Variants in DCHS2 observed in about 807,000 individuals in gnomAD.
DCHS2 encodes protocadherin-23.
Under a neutral mutation model 182.4 loss-of-function variants are expected in DCHS2, and 142 were observed. The observed-to-expected ratio is 0.78, with a 90% CI of 0.68 to 0.89. DCHS2 has a LOEUF of 0.89. Ranked by LOEUF, DCHS2 falls within the 40% of genes least tolerant of loss-of-function variation. The pLI is 0.00. For missense variants in DCHS2, 4,319 were observed against 4,198.6 expected (o/e 1.03, Z -0.79); for synonymous variants, 1,740 against 1,663.3 (o/e 1.05, Z -1.12).
rs946731212 is a variant in DCHS2 at position 154,240,467 on chromosome 4, G to A, written c.7359+70C>T. The A allele has an allele frequency of 7.8e-6, 12 of 1,543,956 alleles. No individual in the cohort carries two copies. In the Admixed American group the frequency reaches 2.1e-4, roughly 27 times the overall value. ...CTATCTGAATTAGTCTATCGGCGAT[G>A]GAAGACTTACATTATTCTCTATTCT... On this transcript the variant is annotated intron_variant, in intron 18 of 19. Coordinates refer to ENST00000357232, the MANE Select transcript of DCHS2 (RefSeq NM_001358235.2).
intron 1 of DCHS2, among the ~76,000 whole-genome samples, chr4:154,462,992 A>C (rs1735075316): frequency 6.6e-6 from 1 of 152,004 alleles, no homozygotes; most frequent in Non-Finnish European, 1.5e-5. Flanking sequence ...TCAAAGATGA[A>C]CCATGAAAAA....
chr4:154,472,827 CAT>C (rs1324647600), intron 1 of DCHS2, among the ~76,000 whole-genome samples: 12 of 152,196 alleles, frequency 7.9e-5, no homozygotes, highest in Non-Finnish European at 1.5e-4. Flanking sequence ...CATACACACA[CAT>C]ATCACATCAC....
chr4:154,307,817 C>A lies in DCHS2; in HGVS notation c.5261-2586G>T, dbSNP rs186789708. 2.8e-3 allele frequency among the ~76,000 whole-genome samples: 419 copies of A among 152,284 alleles called. 3 individuals carry two copies. The highest frequency in any genetic ancestry group is 9.8e-3 in the African/African-American group (408 of 41,548). On this transcript the variant is annotated intron_variant, in intron 10 of 19. Coordinates refer to ENST00000357232, the MANE Select transcript of DCHS2 (RefSeq NM_001358235.2). ...ACCCCTCTTCCATTCAGGTCTCCTA[C>A]CCGACCACTACCTGGCTTACTCTCA... is the stretch of plus-strand genomic sequence containing the variant.
At chr4:154,344,927 C>G (rs893837032) in intron 3 of DCHS2, among the ~76,000 whole-genome samples, 1 of 152,168 alleles carries the variant, frequency 6.6e-6, no homozygotes, top group Non-Finnish European at 1.5e-5. Flanking sequence ...AAAGGTCTTG[C>G]GTGGCTGACA....
chr4:154,241,363 C>T (rs965962414), intron 17 of DCHS2, among the ~76,000 whole-genome samples: 2 of 152,046 alleles, frequency 1.3e-5, no homozygotes, highest in Admixed American at 1.3e-4. Flanking sequence ...AAATCTGACT[C>T]TCAAAATTAT....
chr4:154,267,995 A>G (rs964461208), intron 14 of DCHS2, among the ~76,000 whole-genome samples: 2 of 152,148 alleles, frequency 1.3e-5, no homozygotes, highest in African/African-American at 4.8e-5. Context: ...ACGTTTTTCT[A>G]TTCAAGTCTT....
chr4:154,333,208 G>C lies in DCHS2; in HGVS notation c.3000C>G (p.Leu1000=). The change falls in exon 5 of 20, where the codon CTC becomes CTG. Residue 1000 remains leucine (L), a synonymous_variant. Coordinates refer to ENST00000357232, the MANE Select transcript of DCHS2 (RefSeq NM_001358235.2). ...QTTPPGTALY[L]ARAEDRDSGR... Reference sequence around the variant, plus strand: ...CACTGTCTCTGTCTTCCGCACGTGCGAGGTACAAGGCTGTGCCAGGGGGCG... The same window carrying C: ...CACTGTCTCTGTCTTCCGCACGTGCCAGGTACAAGGCTGTGCCAGGGGGCG... 6.2e-7 allele frequency: 1 copy of C among 1,614,220 alleles called. No homozygotes were observed. The highest frequency in any genetic ancestry group is 8.5e-7 in the Non-Finnish European group (1 of 1,180,036).
At chr4:154,404,005 C>G (rs924664339) in intron 1 of DCHS2, among the ~76,000 whole-genome samples, 5 of 151,922 alleles carry the variant, frequency 3.3e-5, no homozygotes, top group Non-Finnish European at 7.4e-5. Context: ...ACGGGCTTAT[C>G]AATTTTATTA....
At chr4:154,397,552 A>G (rs1056226154) in intron 1 of DCHS2, among the ~76,000 whole-genome samples, 1 of 152,186 alleles carries the variant, frequency 6.6e-6, no homozygotes, top group African/African-American at 2.4e-5. Context: ...CAAAACTGTG[A>G]CACCCTTTAA....
chr4:154,482,032 G>A (rs1454434826), intron 1 of DCHS2, among the ~76,000 whole-genome samples: 24 of 152,124 alleles, frequency 1.6e-4, no homozygotes, highest in Admixed American at 1.6e-3. Context: ...TAACAGCCTG[G>A]GCTGTTTAAA....
Position 154,304,776 on chromosome 4 carries a change from C to G in DCHS2, c.5498G>C (p.Ser1833Thr). The G allele has an allele frequency of 1.9e-6, 3 of 1,613,982 alleles. No individual in the cohort carries two copies. The highest frequency in any genetic ancestry group is 2.5e-6 in the Non-Finnish European group (3 of 1,179,962). Residue 1833 changes from serine to threonine, a missense_variant, in exon 12 of 20, where the codon AGT becomes ACT. Ser to Thr is a moderately conservative substitution (Grantham distance 58, BLOSUM62 1). Transcript: ENST00000357232. ...GTTTTCCAGAACCTCAATGTCATAA[C>G]TGGAAACAATAAACTCTGGTGCGTG... ...NDHAPEFIVS[S>T]YDIEVLENQE...
rs762788162 is a variant in DCHS2 at position 154,432,646 on chromosome 4, G to GA, written c.2053-55203dup. Reference sequence around the variant, plus strand: ...TTTCAGGATAATGGAGTAATAGAATGAAAAAAAAAAAGATGAGAAAAAGAC... The same window carrying GA: ...TTTCAGGATAATGGAGTAATAGAATGAAAAAAAAAAAAGATGAGAAAAAGAC... On this transcript the variant is annotated intron_variant, in intron 1 of 19. Coordinates refer to ENST00000357232, the MANE Select transcript of DCHS2 (RefSeq NM_001358235.2). Among the ~76,000 whole-genome samples, 702 of 137,252 alleles carry GA rather than the reference G, an allele frequency of 5.1e-3. 1 individual carries two copies. The highest frequency in any genetic ancestry group is 7.4e-3 in the Middle Eastern group (2 of 270). 90.0% of individuals were successfully genotyped at this position (137,252 alleles called of 152,430 possible).
chr4:154,405,975 T>C (rs1451189052), intron 1 of DCHS2, among the ~76,000 whole-genome samples: 1 of 152,258 alleles, frequency 6.6e-6, no homozygotes, highest in Non-Finnish European at 1.5e-5. Flanking sequence ...CTTGAAGGCA[T>C]AATCCTTATT....
intron 1 of DCHS2, among the ~76,000 whole-genome samples, chr4:154,446,765 T>C (rs191622889): frequency 1.6e-3 from 250 of 152,218 alleles, no homozygotes; most frequent in African/African-American, 5.8e-3. Context: ...AGCAAGTTAC[T>C]GGCTAGAAAA....
At chr4:154,367,885 G>A (rs940230833) in intron 2 of DCHS2, among the ~76,000 whole-genome samples, 1 of 152,000 alleles carries the variant, frequency 6.6e-6, no homozygotes, top group African/African-American at 2.4e-5. Context: ...GATTGTATGG[G>A]AGGAAGGTAA....
chr4:154,424,397 G>A (rs2110920906), intron 1 of DCHS2, among the ~76,000 whole-genome samples: 1 of 152,300 alleles, frequency 6.6e-6, no homozygotes, highest in South Asian at 2.1e-4. Context: ...TCTTTATGCA[G>A]TGATTAGAAG....
intron 1 of DCHS2, among the ~76,000 whole-genome samples, chr4:154,396,927 C>T (rs549417585): frequency 1.3e-5 from 2 of 152,160 alleles, no homozygotes; most frequent in Non-Finnish European, 1.5e-5. Flanking sequence ...ATTTGATTTA[C>T]TTATATATCC....
At chr4:154,309,516 G>C (rs1015903995) in intron 10 of DCHS2, among the ~76,000 whole-genome samples, 7 of 152,128 alleles carry the variant, frequency 4.6e-5, no homozygotes, top group African/African-American at 1.2e-4. Flanking sequence ...GGTGGTAGCT[G>C]CCTTCTAGAG....
chr4:154,244,439 G>T (rs905675009), intron 16 of DCHS2, among the ~76,000 whole-genome samples: 1 of 152,092 alleles, frequency 6.6e-6, no homozygotes, highest in African/African-American at 2.4e-5. Flanking sequence ...AGGCTAGGAG[G>T]GTGGCTGAGT....
Sources: gnomAD v4.1 joint callset for allele counts (sites outside exome capture counted in the v4.1 genomes callset) on GRCh38, gnomAD v4.1.1 for gene constraint, MANE v1.5 for transcripts, NCBI Gene and HGNC (gene_info 2026-07-23, HGNC 2026-07-21) for gene names.